The following CCBE1 variants were observed in gnomAD, a reference collection of about 807,000 sequenced individuals.
CCBE1 encodes collagen and calcium binding EGF domains 1.
A neutral mutation model predicts 50.0 loss-of-function variants in CCBE1; 37 were observed. The ratio of observed to expected loss-of-function variants is 0.74; its 90% CI spans 0.57 to 0.97. The LOEUF is 0.97. Among genes scored for constraint, CCBE1 ranks in the 50% least tolerant of loss-of-function variants. CCBE1 has a pLI of 0.00. For synonymous variants in CCBE1, 234 were observed against 203.7 expected (o/e 1.15, Z -1.27); for missense variants, 538 against 523.8 (o/e 1.03, Z -0.26).
intron 2 of CCBE1, among the ~76,000 whole-genome samples, chr18:59,610,824 T>C (rs1043538915): frequency 1.3e-5 from 2 of 152,092 alleles, no homozygotes; most frequent in African/African-American, 4.8e-5. Flanking sequence ...GCAAAGTGGG[T>C]TTCAGGATGC....
chr18:59,578,212 C>A (rs534227094), intron 2 of CCBE1, among the ~76,000 whole-genome samples: 1 of 152,346 alleles, frequency 6.6e-6, no homozygotes, highest in East Asian at 1.9e-4. Flanking sequence ...CTCATCATCA[C>A]TGGTCATTAG....
intron 2 of CCBE1, among the ~76,000 whole-genome samples, chr18:59,629,826 C>T (rs2053829109): frequency 6.6e-6 from 1 of 152,086 alleles, no homozygotes; most frequent in African/African-American, 2.4e-5. Flanking sequence ...CCGGTGCCTT[C>T]AGGGGGAGGT....
chr18:59,643,854 G>A lies in CCBE1; in HGVS notation c.212+52775C>T, dbSNP rs760503930. 2.6e-5 allele frequency among the ~76,000 whole-genome samples: 4 copies of A among 151,806 alleles called. No homozygotes were observed. The South Asian group carries it at 8.3e-4, about 32-fold the overall frequency. ...GGTGGGGGTGGGGTGAGGTTGAACA[G>A]GTTTCGAAACTGCAGTCTTCTTCAG... On this transcript the variant is annotated intron_variant, in intron 2 of 10. Coordinates refer to ENST00000439986, the MANE Select transcript of CCBE1 (RefSeq NM_133459.4).
At chr18:59,513,835 C>G (rs574747095) in intron 2 of CCBE1, among the ~76,000 whole-genome samples, 5 of 152,150 alleles carry the variant, frequency 3.3e-5, no homozygotes, top group African/African-American at 9.7e-5. Context: ...CTGACTGGCT[C>G]CAAGCCTGTG....
Position 59,524,306 on chromosome 18 carries a change from C to T in CCBE1, c.213-44068G>A, listed in dbSNP as rs552347075. ...CTGCACTACAGCCTGGGTAACAGAG[C>T]AAGATCCTGTCTCAAAAACAAAACA... is the stretch of plus-strand genomic sequence containing the variant. On this transcript the variant is annotated intron_variant, in intron 2 of 10. Transcript: ENST00000439986. 2.0e-5 allele frequency among the ~76,000 whole-genome samples: 3 copies of T among 152,152 alleles called. No homozygotes were observed. The East Asian group carries it at 5.8e-4, about 29-fold the overall frequency.
chr18:59,438,751 A>G lies in CCBE1; in HGVS notation c.952-605T>C, dbSNP rs528067526. On this transcript the variant is annotated intron_variant, in intron 9 of 10. Transcript: ENST00000439986. ...AGATTTTGTTCCCAGCTTTGGGGAA[A>G]AAGTTCTATCTGGTATCTGTGTCTC... 4.5e-4 allele frequency among the ~76,000 whole-genome samples: 68 copies of G among 152,288 alleles called. No individual in the cohort carries two copies. In the South Asian group the frequency reaches 0.013, roughly 28 times the overall value.
intron 2 of CCBE1, among the ~76,000 whole-genome samples, chr18:59,518,193 A>C (rs34334875): frequency 0.022 from 3,321 of 151,252 alleles, 145 homozygotes; most frequent in East Asian, 0.2. Flanking sequence ...AGTAATGATT[A>C]AGAGAACAAA....
intron 2 of CCBE1, among the ~76,000 whole-genome samples, chr18:59,595,291 T>G (rs1049667191): frequency 2.6e-5 from 4 of 151,894 alleles, no homozygotes; most frequent in Admixed American, 2.6e-4. Flanking sequence ...TTCACAACAT[T>G]TGGGCTCACC....
At chr18:59,496,391 A>C (rs1376997209) in intron 2 of CCBE1, among the ~76,000 whole-genome samples, 1 of 152,214 alleles carries the variant, frequency 6.6e-6, no homozygotes. Flanking sequence ...CCTATCCAAG[A>C]TATTATTTAT....
At chr18:59,503,671 T>C (rs919140616) in intron 2 of CCBE1, among the ~76,000 whole-genome samples, 1 of 152,214 alleles carries the variant, frequency 6.6e-6, no homozygotes, top group African/African-American at 2.4e-5. Context: ...TCCTATTCCA[T>C]CAAGTGCAGA....
intron 2 of CCBE1, among the ~76,000 whole-genome samples, chr18:59,557,140 C>T (rs564129684): frequency 2.6e-4 from 40 of 152,332 alleles, no homozygotes; most frequent in African/African-American, 9.6e-4. Context: ...GCATGTGAAG[C>T]TCCCAGCAGA....
chr18:59,466,611 TTACA>T, intron 5 of CCBE1, 124 bp downstream of exon 5: 1 of 428,834 alleles, frequency 2.3e-6, no homozygotes. Flanking sequence ...CATAGCATAA[TTACA>T]TAAATATATT....
At chr18:59,634,670 T>G (rs1401239196) in intron 2 of CCBE1, among the ~76,000 whole-genome samples, 1 of 152,174 alleles carries the variant, frequency 6.6e-6, no homozygotes, top group Non-Finnish European at 1.5e-5. Context: ...ATAAAATAAC[T>G]AAATTAGAAA....
chr18:59,679,044 C>T (rs1003759925), intron 2 of CCBE1, among the ~76,000 whole-genome samples: 1 of 152,142 alleles, frequency 6.6e-6, no homozygotes, highest in African/African-American at 2.4e-5. Context: ...CATGTTCATA[C>T]TACAGTATTA....
intron 2 of CCBE1, among the ~76,000 whole-genome samples, chr18:59,570,667 G>C (rs1286891407): frequency 1.3e-5 from 2 of 152,082 alleles, no homozygotes; most frequent in African/African-American, 4.8e-5. Context: ...GTCATCCTTG[G>C]AGATGTGCTG....
intron 2 of CCBE1, among the ~76,000 whole-genome samples, chr18:59,580,842 C>G (rs530980785): frequency 6.6e-6 from 1 of 152,304 alleles, no homozygotes; most frequent in Non-Finnish European, 1.5e-5. Flanking sequence ...CTGTGGGTGA[C>G]TAGAGAATGC....
At chr18:59,513,922 G>A (rs1485888091) in intron 2 of CCBE1, among the ~76,000 whole-genome samples, 2 of 152,140 alleles carry the variant, frequency 1.3e-5, no homozygotes, top group Non-Finnish European at 2.9e-5. Context: ...GGGCCATCAC[G>A]GGCTAGCTAC....
chr18:59,620,344 G>T (rs1029138331), intron 2 of CCBE1, among the ~76,000 whole-genome samples: 2 of 152,156 alleles, frequency 1.3e-5, no homozygotes, highest in Non-Finnish European at 2.9e-5. Flanking sequence ...AGAAGAATTT[G>T]GTTGGAGGAG....
rs567860425 is a variant in CCBE1 at position 59,589,786 on chromosome 18, A to G, written c.212+106843T>C. On this transcript the variant is annotated intron_variant, in intron 2 of 10. Transcript: ENST00000439986. ...TGCCAGGGCGACAGAGCGAGACTCC[A>G]TCTCAAAAAAAAAAAAAAAAAAAAA... Among the ~76,000 whole-genome samples the G allele has an allele frequency of 2.4e-3, 260 of 107,248 alleles. 3 individuals carry two copies. The East Asian group carries it at 0.042, about 17-fold the overall frequency. 70.4% of individuals were successfully genotyped at this position (107,248 alleles called of 152,430 possible). A position where few individuals can be genotyped will look rare whatever the true frequency, so the allele number is the denominator to read the frequency against.
Sources: allele counts gnomAD v4.1 joint callset (sites outside exome capture counted in the v4.1 genomes callset), GRCh38; gene constraint gnomAD v4.1.1; transcripts MANE v1.5; gene names NCBI Gene and HGNC (gene_info 2026-07-23, HGNC 2026-07-21).